The following TBC1D22B variants were observed in gnomAD, a reference collection of about 807,000 sequenced individuals.
TBC1D22B encodes chromosome 6 open reading frame 197.
Under a neutral mutation model 69.1 loss-of-function variants are expected in TBC1D22B, and 32 were observed. The ratio of observed to expected loss-of-function variants is 0.46; its 90% CI spans 0.35 to 0.62. TBC1D22B has a LOEUF of 0.62. Among genes scored for constraint, TBC1D22B ranks in the 20% least tolerant of loss-of-function variants. The pLI is 0.00. For synonymous variants in TBC1D22B, 206 were observed against 229.8 expected, an observed-to-expected ratio of 0.90 and a Z score of 0.94; for missense variants, 462 against 630.9, an observed-to-expected ratio of 0.73 and a Z score of 2.87.
chr6:37,310,984 A>G (rs1373710833), intron 8 of TBC1D22B, among the ~76,000 whole-genome samples: 1 of 152,254 alleles, frequency 6.6e-6, no homozygotes, highest in Non-Finnish European at 1.5e-5. Flanking sequence ...ATATAAACAC[A>G]TAAATATTGT....
intron 8 of TBC1D22B, among the ~76,000 whole-genome samples, chr6:37,306,261 T>C (rs1767715341): frequency 6.6e-6 from 1 of 152,196 alleles, no homozygotes; most frequent in Non-Finnish European, 1.5e-5. Context: ...GCACATTTGC[T>C]CTCTGTCCCT....
rs201440777 is a variant in TBC1D22B, at chr6:37,279,286, G to A, written c.114-18G>A. 95 of 1,577,846 alleles carry A rather than the reference G, an allele frequency of 6.0e-5. No homozygotes were observed. The highest frequency in any genetic ancestry group is 8.0e-5 in the Non-Finnish European group (93 of 1,162,892). On this transcript the variant is annotated intron_variant, in intron 2 of 12. Transcript: ENST00000373491. Reference sequence around the variant, plus strand: ...TGTGTCAGGCCATTCCTTGGTAATCGTGTCTCCTTTCTTGAAGTTTCATTA... The same window carrying A: ...TGTGTCAGGCCATTCCTTGGTAATCATGTCTCCTTTCTTGAAGTTTCATTA...
intron 8 of TBC1D22B, among the ~76,000 whole-genome samples, chr6:37,299,424 C>T (rs1016559162): frequency 2.6e-5 from 4 of 152,200 alleles, no homozygotes; most frequent in African/African-American, 9.7e-5. Context: ...ATATTTTCCC[C>T]AGACCATTAT....
chr6:37,323,998 A>G (rs1344623740), intron 12 of TBC1D22B, among the ~76,000 whole-genome samples: 2 of 152,248 alleles, frequency 1.3e-5, no homozygotes, highest in African/African-American at 4.8e-5. Context: ...CAACAAGCTT[A>G]TATCATAGGG....
At chr6:37,324,489 TTGTC>T (rs1009143985) in intron 12 of TBC1D22B, 31 of 390,280 alleles carry the variant, frequency 7.9e-5, no homozygotes, top group African/African-American at 3.9e-4. Context: ...CTTACTGAAA[TTGTC>T]TGGATGAGCT....
chr6:37,293,328 C>T (rs910837823), intron 8 of TBC1D22B, among the ~76,000 whole-genome samples: 2 of 152,048 alleles, frequency 1.3e-5, no homozygotes, highest in Non-Finnish European at 2.9e-5. Context: ...CCGCCCACCT[C>T]GGCCTCCCAA....
At chr6:37,325,518 C>T (rs115845053) in intron 12 of TBC1D22B, among the ~76,000 whole-genome samples, 1,649 of 150,984 alleles carry the variant, frequency 0.011, 27 homozygotes, top group African/African-American at 0.038. Flanking sequence ...CCTTCATCCC[C>T]CAGCCATAAT....
At chr6:37,293,379 A>G (rs929345049) in intron 8 of TBC1D22B, among the ~76,000 whole-genome samples, 33 of 152,088 alleles carry the variant, frequency 2.2e-4, no homozygotes, top group Non-Finnish European at 4.3e-4. Flanking sequence ...GCCTGGCCCA[A>G]CTTTACATTA....
At chr6:37,326,392 A>AG (rs202187231) in intron 12 of TBC1D22B, among the ~76,000 whole-genome samples, 1,943 of 151,514 alleles carry the variant, frequency 0.013, 39 homozygotes, top group African/African-American at 0.043. Flanking sequence ...AAAAAAAAAA[A>AG]AAGTATTCTC....
At chr6:37,310,355 T>C (rs539890399) in intron 8 of TBC1D22B, among the ~76,000 whole-genome samples, 9 of 152,046 alleles carry the variant, frequency 5.9e-5, no homozygotes, top group African/African-American at 1.9e-4. Context: ...AAAAATGATA[T>C]TTCTTGGAAG....
At chr6:37,322,557 T>C (rs935481960) in intron 12 of TBC1D22B, among the ~76,000 whole-genome samples, 1 of 152,152 alleles carries the variant, frequency 6.6e-6, no homozygotes, top group African/African-American at 2.4e-5. Context: ...AAGGGAACTT[T>C]TGAGGGAACA....
intron 8 of TBC1D22B, among the ~76,000 whole-genome samples, chr6:37,298,084 A>G (rs1767443358): frequency 6.6e-6 from 1 of 152,208 alleles, no homozygotes. Context: ...ATTAGGAGAA[A>G]TACGTAATGT....
At chr6:37,279,856 T>G (rs185771188) in intron 3 of TBC1D22B, among the ~76,000 whole-genome samples, 544 of 152,370 alleles carry the variant, frequency 3.6e-3, no homozygotes, top group Non-Finnish European at 5.9e-3. Flanking sequence ...TTGTTTGCCA[T>G]TCTCCTCTTC....
At chr6:37,281,332 A>G (rs1766820340) in intron 3 of TBC1D22B, among the ~76,000 whole-genome samples, 1 of 152,242 alleles carries the variant, frequency 6.6e-6, no homozygotes, top group Non-Finnish European at 1.5e-5. Context: ...TATACATATG[A>G]AGCACTCAAT....
intron 2 of TBC1D22B, 108 bp downstream of exon 2, chr6:37,269,758 T>C: frequency 1.9e-6 from 2 of 1,034,834 alleles, no homozygotes; most frequent in South Asian, 1.3e-5. Context: ...GCGTCTCTTC[T>C]GCCCTATTTT....
chr6:37,269,795 C>A, intron 2 of TBC1D22B, 145 bp downstream of exon 2: 3 of 729,836 alleles, frequency 4.1e-6, no homozygotes, highest in Non-Finnish European at 4.8e-6. Context: ...AATGTTCTTA[C>A]TTCCAAATGG....
chr6:37,313,048 G>C (rs537310351), intron 9 of TBC1D22B, 24 bp downstream of exon 9: 5 of 1,595,682 alleles, frequency 3.1e-6, no homozygotes. Flanking sequence ...GCCCTTGTGG[G>C]AACAAACGTC....
rs749666077 is a variant in TBC1D22B, at chr6:37,316,802, G to A, written c.1265G>A (p.Cys422Tyr). Residue 422 changes from cysteine to tyrosine, a missense_variant, in exon 11 of 13, where the codon TGC becomes TAC. By Grantham distance (194) the Cys-to-Tyr change is radical. Transcript: ENST00000373491. ...CTTATGCGGGAGCTTCCTCTTCGCT[G>A]CACCATCCGCCTGTGGGACACATAT... ...NLLMRELPLR[C>Y]TIRLWDTYQS... is the part of the protein sequence containing the mutation. 4 of 1,614,190 alleles carry A rather than the reference G, an allele frequency of 2.5e-6. No individual in the cohort carries two copies. The highest frequency in any genetic ancestry group is 3.3e-5 in the Admixed American group (2 of 60,022).
intron 8 of TBC1D22B, among the ~76,000 whole-genome samples, chr6:37,303,698 A>C (rs1023614526): frequency 6.6e-6 from 1 of 152,144 alleles, no homozygotes. Context: ...CTTAAACTCA[A>C]CAATCCAAAA....
Sources: allele counts gnomAD v4.1 joint callset (sites outside exome capture counted in the v4.1 genomes callset), GRCh38; gene constraint gnomAD v4.1.1; transcripts MANE v1.5; gene names NCBI Gene and HGNC (gene_info 2026-07-23, HGNC 2026-07-21).